MYO16: variants seen among roughly 807,000 people sequenced by gnomAD.
MYO16 encodes the protein myosin XVI.
In MYO16, 94 loss-of-function variants were observed where a neutral mutation model predicts 205.3. The ratio of observed to expected loss-of-function variants is 0.46; its 90% CI spans 0.39 to 0.54. MYO16 has a LOEUF of 0.54. MYO16 is among the 20% of genes least tolerant of loss of function. MYO16 has a pLI of 0.00. For synonymous variants in MYO16, 988 were observed against 954.0 expected, an observed-to-expected ratio of 1.04 and a Z score of -0.66; for missense variants, 2,315 against 2,387.5, an observed-to-expected ratio of 0.97 and a Z score of 0.63.
At chr13:108,834,354 A>T (rs965380998) in intron 9 of MYO16, among the ~76,000 whole-genome samples, 1 of 152,172 alleles carries the variant, frequency 6.6e-6, no homozygotes, top group African/African-American at 2.4e-5. Flanking sequence ...TTAGATTTCA[A>T]AGGGATGACT....
intron 12 of MYO16, among the ~76,000 whole-genome samples, chr13:108,872,090 T>C (rs1481793441): frequency 3.3e-5 from 5 of 152,206 alleles, no homozygotes; most frequent in Non-Finnish European, 4.4e-5. Flanking sequence ...TAATTCTGTA[T>C]GCACCAAGGG....
intron 16 of MYO16, among the ~76,000 whole-genome samples, chr13:108,947,512 T>A (rs1882983619): frequency 6.6e-6 from 1 of 152,192 alleles, no homozygotes; most frequent in Non-Finnish European, 1.5e-5. Context: ...CAAAAAGGTA[T>A]TTTTCTCTCC....
intron 3 of MYO16, among the ~76,000 whole-genome samples, chr13:108,724,491 C>CTTACTTATATGG (rs879799829): frequency 6.6e-6 from 1 of 152,152 alleles, no homozygotes; most frequent in African/African-American, 2.4e-5. Context: ...AATATTTGCA[C>CTTACTTATATGG]TTACTTATAT....
intron 29 of MYO16, among the ~76,000 whole-genome samples, chr13:109,122,134 A>G (rs1876019090): frequency 6.6e-6 from 1 of 152,200 alleles, no homozygotes; most frequent in Admixed American, 6.5e-5. Context: ...TGTGGCATCC[A>G]GAGCTTTATC....
intron 16 of MYO16, among the ~76,000 whole-genome samples, chr13:108,942,124 T>C (rs1055538002): frequency 4.6e-5 from 7 of 152,216 alleles, no homozygotes; most frequent in Admixed American, 6.5e-5. Flanking sequence ...ATTTGATAGT[T>C]GATTGTGACA....
At chr13:108,672,321 A>T (rs1882024502) in intron 2 of MYO16, among the ~76,000 whole-genome samples, 1 of 152,236 alleles carries the variant, frequency 6.6e-6, no homozygotes, top group Admixed American at 6.5e-5. Flanking sequence ...AAGTAAAAAA[A>T]AATTGCCATA....
intron 9 of MYO16, among the ~76,000 whole-genome samples, chr13:108,836,344 G>A (rs774214072): frequency 2.1e-4 from 32 of 152,318 alleles, no homozygotes; most frequent in Non-Finnish European, 4.3e-4. Context: ...AGGATGTATG[G>A]AAACATCTGA....
intron 16 of MYO16, among the ~76,000 whole-genome samples, chr13:108,927,022 A>G (rs1882037966): frequency 6.6e-6 from 1 of 152,122 alleles, no homozygotes; most frequent in Non-Finnish European, 1.5e-5. Context: ...GTGTAGCATG[A>G]CAACAAGGTA....
At chr13:108,652,118 A>C (rs917091535) in intron 1 of MYO16, among the ~76,000 whole-genome samples, 1 of 151,946 alleles carries the variant, frequency 6.6e-6, no homozygotes, top group Non-Finnish European at 1.5e-5. Flanking sequence ...CTGCTAGAGG[A>C]GTTGTTAGGA....
At chr13:108,780,632 A>G (rs1312746803) in intron 4 of MYO16, among the ~76,000 whole-genome samples, 1 of 152,218 alleles carries the variant, frequency 6.6e-6, no homozygotes, top group East Asian at 1.9e-4. Flanking sequence ...TTGCCGTACA[A>G]ATTATAATTC....
the MYO16 span, among the ~76,000 whole-genome samples, chr13:108,528,261 C>T: frequency 6.6e-6 from 1 of 152,042 alleles, no homozygotes; most frequent in Non-Finnish European, 1.5e-5. Context: ...TGTGAATTAG[C>T]TGAAGGACAA....
intron 2 of MYO16, among the ~76,000 whole-genome samples, chr13:108,668,592 A>C (rs1459723709): frequency 6.6e-6 from 1 of 152,154 alleles, no homozygotes; most frequent in African/African-American, 2.4e-5. Flanking sequence ...CCTTCCTTGG[A>C]TCAGAGCCCC....
the MYO16 span, among the ~76,000 whole-genome samples, chr13:108,563,859 A>G: frequency 6.6e-6 from 1 of 152,214 alleles, no homozygotes; most frequent in Non-Finnish European, 1.5e-5. Flanking sequence ...GTATATACCC[A>G]GCAGTGGGAT....
At chr13:108,667,787 T>C (rs1299214186) in intron 2 of MYO16, among the ~76,000 whole-genome samples, 3 of 152,160 alleles carry the variant, frequency 2.0e-5, no homozygotes, top group African/African-American at 7.2e-5. Context: ...GGCTCATACC[T>C]ATAATCCCAA....
chr13:109,165,023 GCT>G lies in MYO16; in HGVS notation c.5288_5289del (p.Ala1763AspfsTer4). The part of the protein sequence containing the change: ...GIQLSNSLSS[A>X]ITAENGNSIS... ...TCAGTTATCTAATTCACTATCTAGT[GCT>G]ATAACTGCTGAAAATGGAAATTCCA... On this transcript the variant is annotated frameshift_variant, in exon 33 of 35. Coordinates refer to ENST00000457511, the MANE Select transcript of MYO16 (RefSeq NM_001198950.3). LOFTEE classifies it high-confidence loss of function. 1 of 1,596,224 alleles carries G rather than the reference GCT, an allele frequency of 6.3e-7. No homozygotes were observed. The highest frequency in any genetic ancestry group is 1.4e-5 in the African/African-American group (1 of 74,052).
At chr13:108,581,187 C>T in the MYO16 span, among the ~76,000 whole-genome samples, 1 of 151,980 alleles carries the variant, frequency 6.6e-6, no homozygotes, top group African/African-American at 2.4e-5. Context: ...GATATAAGAA[C>T]TTATTAAGAT....
chr13:109,123,397 A>G (rs916710028), intron 29 of MYO16, among the ~76,000 whole-genome samples: 1 of 152,138 alleles, frequency 6.6e-6, no homozygotes, highest in Non-Finnish European at 1.5e-5. Context: ...GAGATTAAAC[A>G]TCTTGAAAAT....
At chr13:108,795,333 C>T (rs1460872565) in intron 6 of MYO16, among the ~76,000 whole-genome samples, 1 of 151,886 alleles carries the variant, frequency 6.6e-6, no homozygotes, top group Non-Finnish European at 1.5e-5. Context: ...CTCAGCCTCC[C>T]GAGTAGCTGG....
At chr13:108,845,825 T>C (rs772162762) in intron 10 of MYO16, among the ~76,000 whole-genome samples, 4 of 152,110 alleles carry the variant, frequency 2.6e-5, no homozygotes, top group Admixed American at 6.6e-5. Context: ...CTAGTGATGC[T>C]TCTGCCTCAG....
Sources: allele counts gnomAD v4.1 joint callset (sites outside exome capture counted in the v4.1 genomes callset), GRCh38; gene constraint gnomAD v4.1.1; transcripts MANE v1.5; gene names NCBI Gene and HGNC (gene_info 2026-07-23, HGNC 2026-07-21).